The following SV2C variants were observed in gnomAD, a reference collection of about 807,000 sequenced individuals.
The protein encoded by SV2C is synaptic vesicle glycoprotein 2C, also known as solute carrier family 22 member B3.
In SV2C, 49 loss-of-function variants were observed where a neutral mutation model predicts 79.7. That is an observed-to-expected ratio of 0.61 (90% confidence interval 0.49 to 0.78). The LOEUF is 0.78. Among genes scored for constraint, SV2C ranks in the 30% least tolerant of loss-of-function variants. The pLI, the probability that SV2C is intolerant of heterozygous loss-of-function variation, is 0.00. For missense variants in SV2C, 833 were observed against 912.9 expected (o/e 0.91, Z 1.13); for synonymous variants, 334 against 333.2 (o/e 1.00, Z -0.03).
intron 12 of SV2C, among the ~76,000 whole-genome samples, chr5:76,317,067 G>A (rs895780618): frequency 1.3e-5 from 2 of 152,082 alleles, no homozygotes; most frequent in Non-Finnish European, 2.9e-5. Context: ...ATGTAAATTA[G>A]GAGTGTATTA....
the SV2C span, among the ~76,000 whole-genome samples, chr5:75,922,393 TA>T: frequency 5.9e-5 from 9 of 152,038 alleles, no homozygotes; most frequent in South Asian, 2.1e-4. Flanking sequence ...TAAAATTAAA[TA>T]AAAAAATTGA....
the SV2C span, among the ~76,000 whole-genome samples, chr5:76,048,127 T>G: frequency 6.6e-6 from 1 of 152,172 alleles, no homozygotes; most frequent in Non-Finnish European, 1.5e-5. Flanking sequence ...TTTTTTCTGT[T>G]GATTGAATTT....
chr5:75,920,742 C>T, the SV2C span: 49 of 773,638 alleles, frequency 6.3e-5, 2 homozygotes, highest in Non-Finnish European at 9.8e-5. Context: ...CTTGAAGGTG[C>T]GGTTCAGGAG....
At chr5:76,103,700 G>A (rs1369537420) in intron 1 of SV2C, among the ~76,000 whole-genome samples, 1 of 152,152 alleles carries the variant, frequency 6.6e-6, no homozygotes, top group Non-Finnish European at 1.5e-5. Context: ...CACCTAGACT[G>A]TTTGTATGCA....
the SV2C span, among the ~76,000 whole-genome samples, chr5:75,895,457 C>T: frequency 6.6e-6 from 1 of 152,176 alleles, no homozygotes; most frequent in South Asian, 2.1e-4. Context: ...TAGAGAATAT[C>T]AGTAAAGTGA....
the SV2C span, among the ~76,000 whole-genome samples, chr5:75,927,499 G>A: frequency 4.6e-5 from 7 of 151,766 alleles, no homozygotes; most frequent in Non-Finnish European, 8.8e-5. Flanking sequence ...ATGGGGGGAG[G>A]GGGAAATGGG....
chr5:75,925,340 C>T, the SV2C span, among the ~76,000 whole-genome samples: 1 of 152,196 alleles, frequency 6.6e-6, no homozygotes, highest in Admixed American at 6.5e-5. Flanking sequence ...AAGGTAGTTG[C>T]CTTGGCCCCA....
At chr5:76,066,185 C>T in the SV2C span, among the ~76,000 whole-genome samples, 1 of 151,950 alleles carries the variant, frequency 6.6e-6, no homozygotes, top group African/African-American at 2.4e-5. Context: ...ATAGCAAAGA[C>T]TTGGAACCAA....
At chr5:76,012,907 A>T in the SV2C span, among the ~76,000 whole-genome samples, 2 of 152,156 alleles carry the variant, frequency 1.3e-5, no homozygotes, top group Non-Finnish European at 2.9e-5. Flanking sequence ...TGAAGATCAG[A>T]TGGTTGTAGA....
chr5:76,245,802 C>G (rs1413668019), intron 4 of SV2C, among the ~76,000 whole-genome samples: 2 of 151,882 alleles, frequency 1.3e-5, no homozygotes, highest in African/African-American at 4.8e-5. Context: ...TTATTGGAGC[C>G]AGGAAGAGAG....
chr5:76,323,071 A>G (rs1034105389), intron 12 of SV2C, among the ~76,000 whole-genome samples: 7 of 152,246 alleles, frequency 4.6e-5, no homozygotes, highest in Non-Finnish European at 1.0e-4. Context: ...CAGCACAGCA[A>G]AAGAAACTGT....
intron 4 of SV2C, among the ~76,000 whole-genome samples, chr5:76,275,639 T>C (rs1747003585): frequency 6.6e-6 from 1 of 152,196 alleles, no homozygotes; most frequent in Non-Finnish European, 1.5e-5. Flanking sequence ...CTTGGCACCT[T>C]GAAAGGTTTC....
intron 12 of SV2C, among the ~76,000 whole-genome samples, chr5:76,347,664 A>T (rs1749569069): frequency 1.3e-5 from 2 of 151,932 alleles, no homozygotes; most frequent in Non-Finnish European, 2.9e-5. Flanking sequence ...CTGGTCTCGA[A>T]CTCCTGACCC....
At chr5:76,062,918 C>G in the SV2C span, among the ~76,000 whole-genome samples, 1 of 152,108 alleles carries the variant, frequency 6.6e-6, no homozygotes, top group Non-Finnish European at 1.5e-5. Flanking sequence ...TTTCTGACCA[C>G]GAAGCAGGCA....
chr5:76,018,579 C>G, the SV2C span, among the ~76,000 whole-genome samples: 1 of 152,116 alleles, frequency 6.6e-6, no homozygotes, highest in African/African-American at 2.4e-5. Flanking sequence ...AATTTTACAA[C>G]ATATAAATTA....
At chr5:76,229,240 A>G (rs1745342706) in intron 4 of SV2C, among the ~76,000 whole-genome samples, 1 of 152,234 alleles carries the variant, frequency 6.6e-6, no homozygotes, top group African/African-American at 2.4e-5. Flanking sequence ...CCATGTGGCC[A>G]TTCAGAGTTC....
the SV2C span, among the ~76,000 whole-genome samples, chr5:75,936,786 A>G: frequency 2.6e-3 from 397 of 152,332 alleles, 3 homozygotes; most frequent in African/African-American, 8.7e-3. Context: ...TCATTGGAAC[A>G]TAGTCTTTAC....
chr5:75,877,368 A>T, the SV2C span, among the ~76,000 whole-genome samples: 1 of 152,070 alleles, frequency 6.6e-6, no homozygotes, highest in Non-Finnish European at 1.5e-5. Context: ...TAGTAGACAG[A>T]ACAAGATAGA....
the SV2C span, among the ~76,000 whole-genome samples, chr5:75,974,939 C>CA: frequency 2.0e-5 from 3 of 152,116 alleles, no homozygotes; most frequent in Admixed American, 1.3e-4. Context: ...AGTCACAGGG[C>CA]AGGCAAGCAA....
Sources: allele counts gnomAD v4.1 joint callset (sites outside exome capture counted in the v4.1 genomes callset), GRCh38; gene constraint gnomAD v4.1.1; transcripts MANE v1.5; gene names NCBI Gene and HGNC (gene_info 2026-07-23, HGNC 2026-07-21).